The following BTNL3 variants were observed in gnomAD, a reference collection of about 807,000 sequenced individuals.
The protein encoded by BTNL3 is butyrophilin like 3, also known as butyrophilin-like protein 3.
In BTNL3, 20 loss-of-function variants were observed where a neutral mutation model predicts 40.1. That is an observed-to-expected ratio of 0.50 (90% CI 0.35 to 0.72). BTNL3 has a LOEUF of 0.72. Ranked by LOEUF, BTNL3 falls within the 30% of genes least tolerant of loss-of-function variation. The pLI is 0.01. For synonymous variants in BTNL3, 179 were observed against 222.1 expected, an observed-to-expected ratio of 0.81 and a Z score of 1.73; for missense variants, 449 against 582.2, an observed-to-expected ratio of 0.77 and a Z score of 2.35.
At chr5:180,996,844 T>C (rs1361030261) in intron 2 of BTNL3, among the ~76,000 whole-genome samples, 1 of 137,000 alleles carries the variant, frequency 7.3e-6, no homozygotes, top group African/African-American at 2.5e-5. Context: ...CTATGAAATG[T>C]ATTTTATACA....
rs561489658 is a variant in BTNL3 at position 180,998,023 on chromosome 5, G to A, written c.673+535G>A. Among the ~76,000 whole-genome samples, 221 of 136,110 alleles carry A rather than the reference G, an allele frequency of 1.6e-3. 20 individuals are homozygous for A. The highest frequency in any genetic ancestry group is 5.3e-3 in the African/African-American group (209 of 39,624). 89.3% of individuals were successfully genotyped at this position (136,110 alleles called of 152,430 possible). Reference sequence around the variant, plus strand: ...CAGGAGGCAGAGGTTGCAGTGAGCCGAGATGGCACCACTGTGCTCCAGCCT... The same window carrying A: ...CAGGAGGCAGAGGTTGCAGTGAGCCAAGATGGCACCACTGTGCTCCAGCCT... On this transcript the variant is annotated intron_variant, in intron 3 of 7. Transcript: ENST00000342868.
chr5:180,992,842 T>C lies in BTNL3; in HGVS notation c.79T>C (p.Phe27Leu), dbSNP rs1365852435. ...GQWQVTGPGK[F>L]VQALVGEDAV... ...GTGGCAAGTCACTGGACCGGGCAAG[T>C]TTGTCCAGGCCTTGGTGGGGGAGGA... The change falls in exon 2 of 8, where the codon TTT (phenylalanine) becomes CTT (leucine). Residue 27 changes from phenylalanine to leucine, a missense_variant. Physicochemically the swap from Phe to Leu is conservative, Grantham distance 22. This residue lies in a region of BTNL3 where 323 missense variants were observed against 464.9 expected (regional missense o/e 0.69). Coordinates refer to ENST00000342868, the MANE Select transcript of BTNL3 (RefSeq NM_197975.3). 6.8e-7 allele frequency: 1 copy of C among 1,462,890 alleles called. No individual in the cohort carries two copies. Among genetic ancestry groups the C allele is most frequent in the African/African-American group, 1.4e-5 (1 of 72,516 alleles). The allele number at this position is 1,462,890 out of a possible 1,614,324, so 90.6% of individuals were successfully genotyped here. A position where few individuals can be genotyped will look rare whatever the true frequency, so the allele number is the denominator to read the frequency against.
chr5:181,004,932 G>T (rs1760192028), intron 7 of BTNL3, among the ~76,000 whole-genome samples, 170 bp downstream of exon 7: 1 of 152,154 alleles, frequency 6.6e-6, no homozygotes, highest in Non-Finnish European at 1.5e-5. Flanking sequence ...GAAAAGCGTA[G>T]GGACTGGGTC....
Position 181,002,823 on chromosome 5 carries a change from C to A in BTNL3, c.787+38C>A. The A allele has an allele frequency of 2.1e-6, 3 of 1,434,306 alleles. 1 individual carries two copies. Among genetic ancestry groups the A allele is most frequent in the Non-Finnish European group, 2.9e-6 (3 of 1,039,746 alleles). 88.8% of individuals were successfully genotyped at this position (1,434,306 alleles called of 1,614,324 possible). On this transcript the variant is annotated intron_variant, in intron 4 of 7. Coordinates refer to ENST00000342868, the MANE Select transcript of BTNL3 (RefSeq NM_197975.3). The stretch of plus-strand genomic sequence containing the variant: ...GAGAAGCATGGGCCCATACCTTCTT[C>A]ATGGTTCCAGTGGAGCTGATATCAG...
chr5:180,993,062 G>A lies in BTNL3; in HGVS notation c.299G>A (p.Arg100Lys). 1 of 1,455,582 alleles carries A rather than the reference G, an allele frequency of 6.9e-7. No individual in the cohort carries two copies. Among genetic ancestry groups the A allele is most frequent in the African/African-American group, 1.4e-5 (1 of 72,406 alleles). The allele number at this position is 1,455,582 out of a possible 1,614,324, so 90.2% of individuals were successfully genotyped here. A position where few individuals can be genotyped will look rare whatever the true frequency, so the allele number is the denominator to read the frequency against. Residue 100 changes from arginine to lysine, a missense_variant, in exon 2 of 8, where the codon AGG (arginine) becomes AAG (lysine). Physicochemically the swap from Arg to Lys is conservative, Grantham distance 26. This residue lies in a region of BTNL3 where 323 missense variants were observed against 464.9 expected (regional missense o/e 0.69). Coordinates refer to ENST00000342868, the MANE Select transcript of BTNL3 (RefSeq NM_197975.3). ...DSIAGGRVSL[R>K]LKNITPSDIG... ...ATTGCAGGGGGGCGTGTCTCTCTAA[G>A]GCTAAAAAACATCACTCCCTCGGAC...
Position 180,997,205 on chromosome 5 carries a change from C to G in BTNL3, c.398-8C>G, listed in dbSNP as rs982000260. The G allele has an allele frequency of 6.8e-7, 1 of 1,463,958 alleles. No homozygotes were observed. Among genetic ancestry groups the G allele is most frequent in the African/African-American group, 1.4e-5 (1 of 72,788 alleles). The allele number at this position is 1,463,958 out of a possible 1,614,324, so 90.7% of individuals were successfully genotyped here. ...CTTTGCTTTCATCTTTCCCTGTTTT[C>G]TTCCCAGCACTGGGCTCACTTCCTC... On this transcript the variant is annotated splice_region_variant and splice_polypyrimidine_tract_variant and intron_variant, in intron 2 of 7. Coordinates refer to ENST00000342868, the MANE Select transcript of BTNL3 (RefSeq NM_197975.3).
At position 180,997,506 on chromosome 5, in the gene BTNL3, G is replaced by A. The variant is rs200912913; in HGVS notation, c.673+18G>A. The A allele has an allele frequency of 2.1e-6, 3 of 1,463,202 alleles. No individual in the cohort carries two copies. Among genetic ancestry groups the A allele is most frequent in the African/African-American group, 1.4e-5 (1 of 72,820 alleles). 90.6% of individuals were successfully genotyped at this position (1,463,202 alleles called of 1,614,324 possible). Reference sequence around the variant, plus strand: ...GATAGGAGGTGAGTGGGGAGAAGGAGGAGCAAGGAATGGGTGTGTGCATAC... The same window carrying A: ...GATAGGAGGTGAGTGGGGAGAAGGAAGAGCAAGGAATGGGTGTGTGCATAC... On this transcript the variant is annotated intron_variant, in intron 3 of 7. Transcript: ENST00000342868.
chr5:181,004,058 T>G (rs948455207), intron 5 of BTNL3, 182 bp downstream of exon 5: 1 of 1,539,234 alleles, frequency 6.5e-7, no homozygotes, highest in African/African-American at 1.4e-5. Flanking sequence ...TCTGGAGGGC[T>G]TAGGATAGGC....
Position 180,991,614 on chromosome 5 carries a change from A to G in BTNL3, c.50-1199A>G, listed in dbSNP as rs1027572424. On this transcript the variant is annotated intron_variant, in intron 1 of 7. Coordinates refer to ENST00000342868, the MANE Select transcript of BTNL3 (RefSeq NM_197975.3). ...GTAGCGCTCACCATTCCTAGGCATAATCCCTGTCTGTGGAGCCCATTCTCC... is the reference window on the plus strand; with the variant it reads ...GTAGCGCTCACCATTCCTAGGCATAGTCCCTGTCTGTGGAGCCCATTCTCC... Among the ~76,000 whole-genome samples the G allele has an allele frequency of 1.0e-4, 14 of 136,836 alleles. 2 individuals carry two copies. The highest frequency in any genetic ancestry group is 3.1e-4 in the Admixed American group (4 of 12,948). 89.8% of individuals were successfully genotyped at this position (136,836 alleles called of 152,430 possible).
chr5:181,001,365 G>A (rs1467002938), intron 3 of BTNL3, among the ~76,000 whole-genome samples: 1 of 135,876 alleles, frequency 7.4e-6, no homozygotes, highest in East Asian at 2.2e-4. Context: ...GTATAGTGGT[G>A]CAATCATGGC....
chr5:180,989,132 T>G, intron 1 of BTNL3, 55 bp downstream of exon 1: 1 of 1,392,346 alleles, frequency 7.2e-7, no homozygotes, highest in Non-Finnish European at 9.8e-7. Flanking sequence ...ATATTTTGAG[T>G]TCATTCATGA....
rs777717718 is a variant in BTNL3, at chr5:181,002,804, C to T, written c.787+19C>T. On this transcript the variant is annotated intron_variant, in intron 4 of 7. Coordinates refer to ENST00000342868, the MANE Select transcript of BTNL3 (RefSeq NM_197975.3). ...TCCAAAGGTAAGTGAGAGAGAGAAGCATGGGCCCATACCTTCTTCATGGTT... is the reference window on the plus strand; with the variant it reads ...TCCAAAGGTAAGTGAGAGAGAGAAGTATGGGCCCATACCTTCTTCATGGTT... 1 of 1,443,308 alleles carries T rather than the reference C, an allele frequency of 6.9e-7. No homozygotes were observed. The highest frequency in any genetic ancestry group is 1.1e-5 in the South Asian group (1 of 89,132). The allele number at this position is 1,443,308 out of a possible 1,614,324, so 89.4% of individuals were successfully genotyped here. A position where few individuals can be genotyped will look rare whatever the true frequency, so the allele number is the denominator to read the frequency against.
At chr5:180,994,798 T>A (rs1257028778) in intron 2 of BTNL3, among the ~76,000 whole-genome samples, 1 of 133,920 alleles carries the variant, frequency 7.5e-6, no homozygotes, top group African/African-American at 2.6e-5. Context: ...TTTTTTTTTT[T>A]ATGAGATGGA....
chr5:181,006,079 C>A lies in BTNL3; in HGVS notation c.*207C>A. ...AGCTTCCAGATGAGGGGGGATTGGC[C>A]TGACCCTGTGGGAGTCAGAAGCCAT... On this transcript the variant is annotated 3_prime_UTR_variant, in exon 8 of 8. Transcript: ENST00000342868. The A allele has an allele frequency of 1.8e-6, 1 of 565,716 alleles. No individual in the cohort carries two copies. The highest frequency in any genetic ancestry group is 3.0e-6 in the Non-Finnish European group (1 of 335,566). 35.0% of individuals were successfully genotyped at this position (565,716 alleles called of 1,614,324 possible).
In BTNL3 at chr5:180,999,842, G is replaced by A. The variant is rs934256784; in HGVS notation, c.673+2354G>A. Among the ~76,000 whole-genome samples, 8 of 135,832 alleles carry A rather than the reference G, an allele frequency of 5.9e-5. 2 individuals carry two copies. Among genetic ancestry groups the A allele is most frequent in the Admixed American group, 2.4e-4 (3 of 12,724 alleles). 89.1% of individuals were successfully genotyped at this position (135,832 alleles called of 152,430 possible). A position where few individuals can be genotyped will look rare whatever the true frequency, so the allele number is the denominator to read the frequency against. On this transcript the variant is annotated intron_variant, in intron 3 of 7. Coordinates refer to ENST00000342868, the MANE Select transcript of BTNL3 (RefSeq NM_197975.3). ...AAGAAAAACGTAAAATACAAAATCC[G>A]AAGGAAAGATAGACTACCTGACTAA...
At chr5:180,999,984 A>G (rs1485013735) in intron 3 of BTNL3, among the ~76,000 whole-genome samples, 1 of 136,610 alleles carries the variant, frequency 7.3e-6, no homozygotes, top group African/African-American at 2.5e-5. Context: ...GAGAAAATGT[A>G]TCTTTCAGAA....
rs577295761 is a variant in BTNL3 at position 181,001,647 on chromosome 5, C to T, written c.674-1025C>T. 1.5e-5 allele frequency among the ~76,000 whole-genome samples: 2 copies of T among 133,316 alleles called. 1 individual carries two copies. The highest frequency in any genetic ancestry group is 3.4e-5 in the Non-Finnish European group (2 of 58,632). The allele number at this position is 133,316 out of a possible 152,430, so 87.5% of individuals were successfully genotyped here. A position where few individuals can be genotyped will look rare whatever the true frequency, so the allele number is the denominator to read the frequency against. ...GATCACGAGGTTAGGAGATCGAGAC[C>T]ATCCTGGCTAACATGGTGAAACCCC... On this transcript the variant is annotated intron_variant, in intron 3 of 7. Transcript: ENST00000342868.
At chr5:180,998,019 A>G (rs145260144) in intron 3 of BTNL3, among the ~76,000 whole-genome samples, 11,723 of 136,014 alleles carry the variant, frequency 0.086, 2,799 homozygotes, top group South Asian at 0.14. Flanking sequence ...GGTTGCAGTG[A>G]GCCGAGATGG....
rs1759961749 is a variant in BTNL3, at chr5:180,990,980, C to A, written c.50-1833C>A. 1.5e-5 allele frequency among the ~76,000 whole-genome samples: 2 copies of A among 136,920 alleles called. 1 individual carries two copies. The highest frequency in any genetic ancestry group is 4.3e-4 in the East Asian group (2 of 4,608). 89.8% of individuals were successfully genotyped at this position (136,920 alleles called of 152,430 possible). On this transcript the variant is annotated intron_variant, in intron 1 of 7. Coordinates refer to ENST00000342868, the MANE Select transcript of BTNL3 (RefSeq NM_197975.3). ...TGTGCCCCTCCGGGACTATTAAAAT[C>A]GCAAACCTTCTTGGCCACCCTGTGC... is the stretch of plus-strand genomic sequence containing the variant.
Sources: gnomAD v4.1 joint callset for allele counts (sites outside exome capture counted in the v4.1 genomes callset) on GRCh38, gnomAD v4.1.1 for gene constraint, gnomAD v4.1.1 regional missense constraint, MANE v1.5 for transcripts, NCBI Gene and HGNC (gene_info 2026-07-23, HGNC 2026-07-21) for gene names.